The following LRP11 variants were observed in gnomAD, a reference collection of about 807,000 sequenced individuals.
LRP11 encodes low-density lipoprotein receptor-related protein 11.
Under a neutral mutation model 43.1 loss-of-function variants are expected in LRP11, and 25 were observed. That is an observed-to-expected ratio of 0.58 (90% CI 0.42 to 0.81). LRP11 has a LOEUF of 0.81. Ranked by LOEUF, LRP11 falls within the 30% of genes least tolerant of loss-of-function variation. The pLI, the probability that LRP11 is intolerant of heterozygous loss-of-function variation, is 0.00. For missense variants in LRP11, 623 were observed against 665.1 expected, an observed-to-expected ratio of 0.94 and a Z score of 0.70; for synonymous variants, 316 against 299.4, an observed-to-expected ratio of 1.06 and a Z score of -0.57.
At chr6:149,837,041 CA>C (rs1248244316) in intron 4 of LRP11, among the ~76,000 whole-genome samples, 1 of 152,008 alleles carries the variant, frequency 6.6e-6, no homozygotes, top group Non-Finnish European at 1.5e-5. Flanking sequence ...ATTATCAAAA[CA>C]AAGCATCAAA....
At chr6:149,853,402 C>T (rs1776753329) in intron 1 of LRP11, among the ~76,000 whole-genome samples, 1 of 152,166 alleles carries the variant, frequency 6.6e-6, no homozygotes, top group Non-Finnish European at 1.5e-5. Flanking sequence ...TACGAGGTCC[C>T]ACCAATGTGT....
At chr6:149,829,835 C>T (rs903528106) in intron 5 of LRP11, among the ~76,000 whole-genome samples, 1 of 152,010 alleles carries the variant, frequency 6.6e-6, no homozygotes, top group Admixed American at 6.6e-5. Flanking sequence ...TTTGAATTAA[C>T]TGCCTTATAC....
chr6:149,826,851 A>C (rs1238340456), intron 5 of LRP11, among the ~76,000 whole-genome samples: 1 of 152,200 alleles, frequency 6.6e-6, no homozygotes, highest in Non-Finnish European at 1.5e-5. Flanking sequence ...TCACACAAGT[A>C]AGTGGGTCAC....
At chr6:149,840,045 C>A (rs966894884) in intron 3 of LRP11, among the ~76,000 whole-genome samples, 3 of 152,162 alleles carry the variant, frequency 2.0e-5, no homozygotes, top group African/African-American at 7.2e-5. Context: ...GCTGTTTGAT[C>A]ATTTTTCTAA....
intron 3 of LRP11, 24 bp from the exon 4 acceptor site, chr6:149,837,487 C>T: frequency 6.2e-7 from 1 of 1,609,084 alleles, no homozygotes; most frequent in Non-Finnish European, 8.5e-7. Flanking sequence ...AATCTCAAGT[C>T]ACACGAGTGC....
At chr6:149,860,584 A>G (rs576461449) in intron 1 of LRP11, among the ~76,000 whole-genome samples, 207 of 152,246 alleles carry the variant, frequency 1.4e-3, no homozygotes, top group African/African-American at 4.9e-3. Context: ...ATGGAGGACA[A>G]GCAGACACCA....
chr6:149,838,327 C>T lies in LRP11; in HGVS notation c.914-864G>A, dbSNP rs536140071. On this transcript the variant is annotated intron_variant, in intron 3 of 6. Transcript: ENST00000239367. ...GAATCCTATTTGTTGATTATCATAACGTCCCTGGTACTGTAGAGAATAAAC... is the reference window on the plus strand; with the variant it reads ...GAATCCTATTTGTTGATTATCATAATGTCCCTGGTACTGTAGAGAATAAAC... Among the ~76,000 whole-genome samples, 11 of 152,142 alleles carry T rather than the reference C, an allele frequency of 7.2e-5. No individual in the cohort carries two copies. The East Asian group carries it at 1.9e-3, about 27-fold the overall frequency.
At chr6:149,858,525 T>C (rs566899252) in intron 1 of LRP11, among the ~76,000 whole-genome samples, 2 of 152,344 alleles carry the variant, frequency 1.3e-5, no homozygotes, top group South Asian at 2.1e-4. Context: ...TGTGTCTTTA[T>C]AGTAGCATGA....
intron 5 of LRP11, among the ~76,000 whole-genome samples, chr6:149,828,154 G>A (rs1480156703): frequency 1.6e-4 from 24 of 151,044 alleles, no homozygotes; most frequent in Admixed American, 1.6e-3. Context: ...TCATGCCACC[G>A]CACTCCAACC....
intron 2 of LRP11, among the ~76,000 whole-genome samples, chr6:149,847,496 C>G (rs1776654626): frequency 6.6e-6 from 1 of 152,154 alleles, no homozygotes; most frequent in Non-Finnish European, 1.5e-5. Flanking sequence ...CCAGGTGACC[C>G]TTCTATACAT....
Position 149,863,871 on chromosome 6 carries a change from C to T in LRP11, c.150G>A (p.Ala50=), listed in dbSNP as rs970897285. 2.0e-6 allele frequency: 3 copies of T among 1,503,602 alleles called. No homozygotes were observed. The highest frequency in any genetic ancestry group is 2.1e-5 in the Admixed American group (1 of 48,354). The allele number at this position is 1,503,602 out of a possible 1,614,324, so 93.1% of individuals were successfully genotyped here. The change falls in exon 1 of 7, where the codon GCG becomes GCA. Residue 50 remains alanine, a synonymous_variant. Transcript: ENST00000239367. ...GCAGCTGCTCCACGCCCGACAGCTG[C>T]GCGTGCAGTTCGGACAGCGGCGCCG... ...PPAAPLSELH[A]QLSGVEQLLE...
intron 3 of LRP11, among the ~76,000 whole-genome samples, chr6:149,841,404 A>G (rs532616870): frequency 6.6e-6 from 1 of 152,342 alleles, no homozygotes; most frequent in East Asian, 1.9e-4. Flanking sequence ...CTCTATCCCC[A>G]GTGCCTGGCA....
chr6:149,848,535 A>C (rs1776673127), intron 2 of LRP11, among the ~76,000 whole-genome samples: 1 of 152,224 alleles, frequency 6.6e-6, no homozygotes, highest in African/African-American at 2.4e-5. Context: ...TACACCATGG[A>C]ATACTATGCA....
chr6:149,823,458 C>A (rs1166792011), intron 6 of LRP11, among the ~76,000 whole-genome samples: 2 of 152,106 alleles, frequency 1.3e-5, no homozygotes, highest in Admixed American at 6.6e-5. Context: ...AGAGGCGACA[C>A]CTCTTCCTTT....
In LRP11 at chr6:149,853,015, T is replaced by C. The variant is rs754521678; in HGVS notation, c.759A>G (p.Ser253=). 8.2e-6 allele frequency: 13 copies of C among 1,594,764 alleles called. No individual in the cohort carries two copies. In the Admixed American group the frequency reaches 2.4e-4, roughly 29 times the overall value. Residue 253 remains serine (S), a synonymous_variant, in exon 2 of 7, where the codon TCA becomes TCG. Transcript: ENST00000239367. ...CAACATGCGTTACCTTCATGTCCACTGACGGGTCCCCCTGCAGCAGTGCCC... is the reference window on the plus strand; with the variant it reads ...CAACATGCGTTACCTTCATGTCCACCGACGGGTCCCCCTGCAGCAGTGCCC... ...YEWALLQGDP[S]VDMKVPQSGT...
At chr6:149,861,931 T>C (rs543587296) in intron 1 of LRP11, among the ~76,000 whole-genome samples, 1 of 152,360 alleles carries the variant, frequency 6.6e-6, no homozygotes, top group Non-Finnish European at 1.5e-5. Flanking sequence ...TTTGGCAATG[T>C]CAGTTTCTTC....
chr6:149,839,520 T>C (rs1185067228), intron 3 of LRP11, among the ~76,000 whole-genome samples: 2 of 152,236 alleles, frequency 1.3e-5, no homozygotes, highest in African/African-American at 2.4e-5. Context: ...CAAGGTTTTA[T>C]TTATTCTTTG....
Position 149,820,555 on chromosome 6 carries a change from A to G in LRP11, c.1497T>C (p.Tyr499=), listed in dbSNP as rs1325498093. Residue 499 remains tyrosine (Y), a synonymous_variant, in exon 7 of 7, where the codon TAT becomes TAC. Coordinates refer to ENST00000239367, the MANE Select transcript of LRP11 (RefSeq NM_032832.6). Reference sequence around the variant, plus strand: ...AGGTATTGAAATTACATTACTATAGATACATCCCATTTATGAGGTAGTCCG... The same window carrying G: ...AGGTATTGAAATTACATTACTATAGGTACATCCCATTTATGAGGTAGTCCG... ...EESDYLINGM[Y]L 1.3e-6 allele frequency: 1 copy of G among 780,866 alleles called. No homozygotes were observed. 48.4% of individuals were successfully genotyped at this position (780,866 alleles called of 1,614,324 possible). A position where few individuals can be genotyped will look rare whatever the true frequency, so the allele number is the denominator to read the frequency against.
At chr6:149,833,075 T>C (rs1370395832) in intron 5 of LRP11, among the ~76,000 whole-genome samples, 1 of 152,298 alleles carries the variant, frequency 6.6e-6, no homozygotes, top group East Asian at 1.9e-4. Flanking sequence ...CCCAAAGTGC[T>C]GGGATTACAA....
Sources: allele counts gnomAD v4.1 joint callset (sites outside exome capture counted in the v4.1 genomes callset), GRCh38; gene constraint gnomAD v4.1.1; transcripts MANE v1.5; gene names NCBI Gene and HGNC (gene_info 2026-07-23, HGNC 2026-07-21).